Variants in LARS2 observed in about 807,000 individuals in gnomAD.
The protein encoded by LARS2 is leucyl-tRNA synthetase 2, mitochondrial.
In LARS2, 81 loss-of-function variants were observed where a neutral mutation model predicts 116.6. The ratio of observed to expected loss-of-function variants is 0.69; its 90% CI spans 0.58 to 0.84. LARS2 has a LOEUF of 0.84. Among genes scored for constraint, LARS2 ranks in the 40% least tolerant of loss-of-function variants. The pLI is 0.00. For missense variants in LARS2, 968 were observed against 1,114.5 expected (o/e 0.87, Z 1.87); for synonymous variants, 396 against 407.2 (o/e 0.97, Z 0.33).
intron 6 of LARS2, among the ~76,000 whole-genome samples, chr3:45,435,646 T>C (rs961927656): frequency 6.6e-6 from 1 of 152,022 alleles, no homozygotes; most frequent in Admixed American, 6.5e-5. Flanking sequence ...CTTTCTCTCC[T>C]CTCTCTTCTT....
At chr3:45,522,066 C>T (rs922664073) in intron 19 of LARS2, among the ~76,000 whole-genome samples, 6 of 152,172 alleles carry the variant, frequency 3.9e-5, no homozygotes, top group African/African-American at 9.6e-5. Context: ...TTTGGTGCCA[C>T]TGTACTCTAG....
chr3:45,429,698 C>CTTTTTTTT (rs35874596), intron 6 of LARS2, among the ~76,000 whole-genome samples: 15 of 108,124 alleles, frequency 1.4e-4, no homozygotes, highest in East Asian at 5.5e-4. Context: ...CATCCTTCTG[C>CTTTTTTTT]TTTTTTTTTT....
At position 45,496,234 on chromosome 3, in the gene LARS2, T is replaced by G. The variant is rs573206253; in HGVS notation, c.1524-41T>G. ...AAGCTGATGGAAAACTGCATTAAAA[T>G]TTAAAAAGAAACCAATTGATGAATT... is the stretch of plus-strand genomic sequence containing the variant. On this transcript the variant is annotated intron_variant, in intron 13 of 21. Transcript: ENST00000645846. 43 of 1,478,780 alleles carry G rather than the reference T, an allele frequency of 2.9e-5. No individual in the cohort carries two copies. In the African/African-American group the frequency reaches 5.3e-4, roughly 18 times the overall value. 91.6% of individuals were successfully genotyped at this position (1,478,780 alleles called of 1,614,324 possible). A position where few individuals can be genotyped will look rare whatever the true frequency, so the allele number is the denominator to read the frequency against.
chr3:45,544,267 G>A (rs1191501511), intron 21 of LARS2, among the ~76,000 whole-genome samples: 1 of 152,250 alleles, frequency 6.6e-6, no homozygotes. Flanking sequence ...AGGTCTGGGG[G>A]CACATGAGCT....
intron 14 of LARS2, among the ~76,000 whole-genome samples, chr3:45,499,428 C>G (rs1415977345): frequency 6.6e-6 from 1 of 151,388 alleles, no homozygotes; most frequent in Non-Finnish European, 1.5e-5. Flanking sequence ...GGTGACAGAG[C>G]GAGACTCCGT....
At chr3:45,476,397 A>T in intron 9 of LARS2, 71 bp from the exon 10 acceptor site, 1 of 1,500,590 alleles carries the variant, frequency 6.7e-7, no homozygotes, top group Non-Finnish European at 9.2e-7. Flanking sequence ...GGGGAAGGGG[A>T]TACAGTTAGG....
At chr3:45,411,347 G>A (rs758110943) in intron 4 of LARS2, among the ~76,000 whole-genome samples, 1 of 152,224 alleles carries the variant, frequency 6.6e-6, no homozygotes, top group Non-Finnish European at 1.5e-5. Context: ...TTATGCACCC[G>A]AGGTTGATCA....
chr3:45,517,510 C>T (rs1046874160), intron 17 of LARS2, among the ~76,000 whole-genome samples: 1 of 152,238 alleles, frequency 6.6e-6, no homozygotes, highest in Admixed American at 6.5e-5. Context: ...AAGGTAAGAG[C>T]TTGCACCAGC....
rs1221731609 is a variant in LARS2, at chr3:45,548,700, C to G, written c.*1170C>G. On this transcript the variant is annotated 3_prime_UTR_variant, in exon 22 of 22. Transcript: ENST00000645846. Reference sequence around the variant, plus strand: ...TTAATGAGGGAAGGTAGGGGAGAATCTAGCCATTTTATAATGCCAGAAATC... The same window carrying G: ...TTAATGAGGGAAGGTAGGGGAGAATGTAGCCATTTTATAATGCCAGAAATC... The G allele has an allele frequency of 2.6e-5, 4 of 152,244 alleles. No individual in the cohort carries two copies. The highest frequency in any genetic ancestry group is 7.2e-5 in the African/African-American group (3 of 41,462). 9.4% of individuals were successfully genotyped at this position (152,244 alleles called of 1,614,324 possible). A position where few individuals can be genotyped will look rare whatever the true frequency, so the allele number is the denominator to read the frequency against.
At chr3:45,409,602 T>C (rs942173298) in intron 4 of LARS2, among the ~76,000 whole-genome samples, 3 of 152,168 alleles carry the variant, frequency 2.0e-5, no homozygotes, top group African/African-American at 7.2e-5. Context: ...CTTCACTTTG[T>C]TTCCCCCTTG....
chr3:45,450,950 A>AT (rs796323553), intron 7 of LARS2, among the ~76,000 whole-genome samples: 1 of 151,584 alleles, frequency 6.6e-6, no homozygotes, highest in African/African-American at 2.4e-5. Context: ...GATGTTAAAC[A>AT]TTTTTTTTCA....
chr3:45,391,629 A>T lies in LARS2; in HGVS notation c.-41A>T, dbSNP rs1194656794. On this transcript the variant is annotated 5_prime_UTR_variant, in exon 2 of 22. Coordinates refer to ENST00000645846, the MANE Select transcript of LARS2 (RefSeq NM_015340.4). ...ACATTATTTAATCTATCTGGGATTT[A>T]CTCCGGCTTATGATTTGAGGTGGGG... The T allele has an allele frequency of 6.6e-6, 1 of 152,020 alleles. No homozygotes were observed. The highest frequency in any genetic ancestry group is 1.5e-5 in the Non-Finnish European group (1 of 68,024). The allele number at this position is 152,020 out of a possible 1,614,324, so 9.4% of individuals were successfully genotyped here.
intron 6 of LARS2, among the ~76,000 whole-genome samples, chr3:45,432,673 A>G (rs1453456626): frequency 6.6e-6 from 1 of 152,136 alleles, no homozygotes; most frequent in Non-Finnish European, 1.5e-5. Flanking sequence ...AAATGTTTAC[A>G]TTAAAAAACA....
chr3:45,415,614 G>A (rs187797536), intron 4 of LARS2, among the ~76,000 whole-genome samples: 146 of 152,148 alleles, frequency 9.6e-4, no homozygotes, highest in African/African-American at 3.3e-3. Flanking sequence ...TTGGGAGGCC[G>A]AGGCAGGCAG....
intron 20 of LARS2, among the ~76,000 whole-genome samples, chr3:45,537,585 TTC>T (rs1471836388): frequency 1.3e-5 from 2 of 152,178 alleles, no homozygotes; most frequent in Non-Finnish European, 2.9e-5. Context: ...ATGAAATTAT[TTC>T]TCTGTGTAAA....
chr3:45,523,354 C>A (rs1158356175), intron 19 of LARS2, among the ~76,000 whole-genome samples: 1 of 152,156 alleles, frequency 6.6e-6, no homozygotes, highest in East Asian at 1.9e-4. Flanking sequence ...ACCTGCAGCA[C>A]AGAGGAAACC....
intron 20 of LARS2, among the ~76,000 whole-genome samples, chr3:45,533,033 T>C (rs1202490360): frequency 6.6e-6 from 1 of 152,024 alleles, no homozygotes; most frequent in Non-Finnish European, 1.5e-5. Context: ...AGGGAGGTAT[T>C]AGGCCCTGAC....
chr3:45,540,266 A>G (rs1700770326), intron 20 of LARS2, among the ~76,000 whole-genome samples: 1 of 152,192 alleles, frequency 6.6e-6, no homozygotes. Context: ...CTCAAAAAAA[A>G]AAGTTAAAAA....
intron 14 of LARS2, among the ~76,000 whole-genome samples, chr3:45,499,634 A>G (rs1700086147): frequency 6.6e-6 from 1 of 152,174 alleles, no homozygotes; most frequent in South Asian, 2.1e-4. Flanking sequence ...ATAAAGAAAA[A>G]AAAATGTTTT....
Sources: allele counts gnomAD v4.1 joint callset (sites outside exome capture counted in the v4.1 genomes callset), GRCh38; gene constraint gnomAD v4.1.1; transcripts MANE v1.5; gene names NCBI Gene and HGNC (gene_info 2026-07-23, HGNC 2026-07-21).